Variants in TXNL4B observed in about 807,000 individuals in gnomAD.
The protein encoded by TXNL4B is thioredoxin-like protein 4B.
TXNL4B carries 12 observed loss-of-function variants against 13.0 expected under a neutral mutation model. That is an observed-to-expected ratio of 0.92 (90% CI 0.59 to 1.49). The LOEUF (loss-of-function observed/expected upper bound fraction) is 1.49, where lower values mean the gene tolerates loss of function less well. Ranked by LOEUF, TXNL4B falls within the 40% of genes most tolerant of loss-of-function variation. The pLI, the probability that TXNL4B is intolerant of heterozygous loss-of-function variation, is 0.00. For synonymous variants in TXNL4B, 59 were observed against 58.9 expected (o/e 1.00, Z -0.01); for missense variants, 214 against 173.6 (o/e 1.23, Z -1.31).
chr16:72,092,046 C>G (rs558244948), intron 1 of TXNL4B, among the ~76,000 whole-genome samples: 21 of 152,150 alleles, frequency 1.4e-4, no homozygotes, highest in African/African-American at 4.3e-4. Flanking sequence ...TTGAGATGGT[C>G]GGTATTTTGA....
At chr16:72,089,246 C>T (rs1272332810) in intron 2 of TXNL4B, 108 bp from the exon 3 acceptor site, 1 of 927,158 alleles carries the variant, frequency 1.1e-6, no homozygotes, top group Non-Finnish European at 1.6e-6. Flanking sequence ...AACTCCTGGG[C>T]CAACAATGCA....
intron 1 of TXNL4B, among the ~76,000 whole-genome samples, chr16:72,091,953 T>C (rs1217299266): frequency 6.6e-6 from 1 of 152,232 alleles, no homozygotes; most frequent in Non-Finnish European, 1.5e-5. Flanking sequence ...CAATAATCTA[T>C]TTTCATGATT....
chr16:72,089,471 A>G (rs2041870330), intron 2 of TXNL4B, among the ~76,000 whole-genome samples: 1 of 152,084 alleles, frequency 6.6e-6, no homozygotes, highest in Non-Finnish European at 1.5e-5. Flanking sequence ...CATTGTGGAG[A>G]GAGACCTAAC....
At chr16:72,088,005 G>C (rs2041848496) in intron 3 of TXNL4B, among the ~76,000 whole-genome samples, 1 of 152,314 alleles carries the variant, frequency 6.6e-6, no homozygotes, top group African/African-American at 2.4e-5. Context: ...ATTTTTAGTA[G>C]AGACAGGGTT....
intron 1 of TXNL4B, among the ~76,000 whole-genome samples, chr16:72,093,052 T>A (rs1597433616): frequency 1.3e-5 from 2 of 152,022 alleles, no homozygotes; most frequent in Admixed American, 1.3e-4. Context: ...CCCAGGCTGG[T>A]CTCAACTCCC....
chr16:72,088,064 C>T (rs1411255037), intron 3 of TXNL4B, among the ~76,000 whole-genome samples: 2 of 152,176 alleles, frequency 1.3e-5, no homozygotes, highest in Non-Finnish European at 2.9e-5. Flanking sequence ...CATAATCTGC[C>T]TGCCTCGGCT....
At chr16:72,089,579 T>C (rs986913078) in intron 2 of TXNL4B, among the ~76,000 whole-genome samples, 22 of 152,238 alleles carry the variant, frequency 1.4e-4, no homozygotes, top group Admixed American at 9.2e-4. Context: ...AATCTATTTC[T>C]TCCTTTAATT....
rs1439984896 is a variant in TXNL4B, at chr16:72,085,227, T to C, written c.*1410A>G. 1 of 384,730 alleles carries C rather than the reference T, an allele frequency of 2.6e-6. No individual in the cohort carries two copies. Among genetic ancestry groups the C allele is most frequent in the Non-Finnish European group, 4.6e-6 (1 of 218,368 alleles). The allele number at this position is 384,730 out of a possible 1,614,324, so 23.8% of individuals were successfully genotyped here. A position where few individuals can be genotyped will look rare whatever the true frequency, so the allele number is the denominator to read the frequency against. On this transcript the variant is annotated 3_prime_UTR_variant, in exon 4 of 4. Coordinates refer to ENST00000268483, the MANE Select transcript of TXNL4B (RefSeq NM_017853.3). Reference sequence around the variant, plus strand: ...GGCACCCCTCCCTGCAGGAAAGGGGTGGAATGGAGCCCCTGGCAAAGGGGG... The same window carrying C: ...GGCACCCCTCCCTGCAGGAAAGGGGCGGAATGGAGCCCCTGGCAAAGGGGG...
At position 72,090,623 on chromosome 16, in the gene TXNL4B, C is replaced by G; in HGVS notation, c.127G>C (p.Asp43His). The change falls in exon 2 of 4, where the codon GAT becomes CAT. Residue 43 changes from aspartate to histidine, a missense_variant. Coordinates refer to ENST00000268483, the MANE Select transcript of TXNL4B (RefSeq NM_017853.3). Reference sequence around the variant, plus strand: ...TATTTTAGACATTCACTTACAATATCATCTAGCTGCAGACAGACAGGATCT... The same window carrying G: ...TATTTTAGACATTCACTTACAATATGATCTAGCTGCAGACAGACAGGATCT... ...DEDPVCLQLDDILSKTSSDLS... is the reference protein window; with the variant it reads ...DEDPVCLQLDHILSKTSSDLS... 1 of 1,613,568 alleles carries G rather than the reference C, an allele frequency of 6.2e-7. No homozygotes were observed. The highest frequency in any genetic ancestry group is 2.2e-5 in the East Asian group (1 of 44,892).
intron 2 of TXNL4B, chr16:72,090,144 C>G (rs1437625374): frequency 2.2e-6 from 1 of 456,110 alleles, no homozygotes; most frequent in South Asian, 1.5e-5. Context: ...GGTTAGGTCT[C>G]TCTCTGCATC....
chr16:72,090,663 C>A lies in TXNL4B; in HGVS notation c.87G>T (p.Arg29Ser). ...KSTAEKVLVL[R>S]FGRDEDPVCL... ...AGACAGGATCTTCATCTCTCCCAAA[C>A]CTGAGAACCAACACCTTCTCAGCAG... The change falls in exon 2 of 4, where the codon AGG (arginine) becomes AGT (serine). Residue 29 changes from arginine (R) to serine (S), a missense_variant. Physicochemically the swap from Arg to Ser is moderately radical, Grantham distance 110. Coordinates refer to ENST00000268483, the MANE Select transcript of TXNL4B (RefSeq NM_017853.3). 6.2e-7 allele frequency: 1 copy of A among 1,614,148 alleles called. No homozygotes were observed. Among genetic ancestry groups the A allele is most frequent in the Non-Finnish European group, 8.5e-7 (1 of 1,180,020 alleles).
Position 72,089,116 on chromosome 16 carries a change from A to C in TXNL4B, c.155T>G (p.Leu52Ter). 1 of 1,612,406 alleles carries C rather than the reference A, an allele frequency of 6.2e-7. No individual in the cohort carries two copies. Among genetic ancestry groups the C allele is most frequent in the Non-Finnish European group, 8.5e-7 (1 of 1,178,756 alleles). Residue 52 changes from leucine (L) to a stop codon, truncating the protein, a stop_gained, in exon 3 of 4, where the codon TTA (leucine) becomes TGA (stop). Coordinates refer to ENST00000268483, the MANE Select transcript of TXNL4B (RefSeq NM_017853.3). LOFTEE classifies it high-confidence loss of function. ...CAGGTATATAGCAGCCATTTTACTT[A>C]AGTCAGAAGAGGTCTTAGAAAGCTG... ...DDILSKTSSD[L>*]SKMAAIYLVD...
chr16:72,093,751 C>G (rs2041960276), upstream of TXNL4B: 1 of 152,302 alleles, frequency 6.6e-6, no homozygotes, highest in Non-Finnish European at 1.5e-5. Context: ...GGGATGTAGT[C>G]TCTTAGGCTA....
intron 2 of TXNL4B, among the ~76,000 whole-genome samples, chr16:72,090,363 G>C (rs944300350): frequency 2.6e-5 from 4 of 152,056 alleles, no homozygotes; most frequent in Non-Finnish European, 4.4e-5. Flanking sequence ...CTTGTTAATA[G>C]TTTTCTGCTC....
rs769219825 is a variant in TXNL4B, at chr16:72,090,641, C to A, written c.109G>T (p.Val37Phe). The change falls in exon 2 of 4, where the codon GTC becomes TTC. Residue 37 changes from valine (V) to phenylalanine (F), a missense_variant. Transcript: ENST00000268483. ...ACAATATCATCTAGCTGCAGACAGA[C>A]AGGATCTTCATCTCTCCCAAACCTG... is the stretch of plus-strand genomic sequence containing the variant. ...VLRFGRDEDP[V>F]CLQLDDILSK... 6 of 1,614,174 alleles carry A rather than the reference C, an allele frequency of 3.7e-6. No individual in the cohort carries two copies. The South Asian group carries it at 5.5e-5, about 15-fold the overall frequency.
At position 72,090,795 on chromosome 16, in the gene TXNL4B, A is replaced by T. The variant is rs761385417; in HGVS notation, c.-37-9T>A. Reference sequence around the variant, plus strand: ...AATCCTCACTGTCACTCCTGAAATAAAGGTGCAATGTTTAAAGACAGTTTA... The same window carrying T: ...AATCCTCACTGTCACTCCTGAAATATAGGTGCAATGTTTAAAGACAGTTTA... On this transcript the variant is annotated splice_polypyrimidine_tract_variant and intron_variant, in intron 1 of 3. Coordinates refer to ENST00000268483, the MANE Select transcript of TXNL4B (RefSeq NM_017853.3). 1.9e-6 allele frequency: 3 copies of T among 1,611,594 alleles called. No homozygotes were observed. Among genetic ancestry groups the T allele is most frequent in the Non-Finnish European group, 2.5e-6 (3 of 1,178,740 alleles).
At chr16:72,092,600 T>C (rs147793027) in intron 1 of TXNL4B, among the ~76,000 whole-genome samples, 20 of 152,210 alleles carry the variant, frequency 1.3e-4, no homozygotes, top group African/African-American at 4.6e-4. Flanking sequence ...CCCACTAGAA[T>C]TCAAACAAAC....
At chr16:72,091,813 C>T (rs2041909362) in intron 1 of TXNL4B, among the ~76,000 whole-genome samples, 1 of 152,128 alleles carries the variant, frequency 6.6e-6, no homozygotes, top group Non-Finnish European at 1.5e-5. Context: ...TAATAAAATA[C>T]TGAGGTACAA....
upstream of TXNL4B, chr16:72,093,784 C>T (rs1286919838): frequency 1.3e-5 from 2 of 152,236 alleles, no homozygotes; most frequent in Non-Finnish European, 2.9e-5. Context: ...CACAAGGAGA[C>T]TCGGAAGTGT....
Sources: allele counts gnomAD v4.1 joint callset (sites outside exome capture counted in the v4.1 genomes callset), GRCh38; gene constraint gnomAD v4.1.1; transcripts MANE v1.5; gene names NCBI Gene and HGNC (gene_info 2026-07-23, HGNC 2026-07-21).